The following PDZRN4 variants were observed in gnomAD, a reference collection of about 807,000 sequenced individuals.
PDZRN4 encodes PDZ domain containing ring finger 4, also known as PDZ domain-containing RING finger protein 4.
Under a neutral mutation model 99.0 loss-of-function variants are expected in PDZRN4, and 70 were observed. That is an observed-to-expected ratio of 0.71 (90% CI 0.58 to 0.86). The LOEUF (loss-of-function observed/expected upper bound fraction) is 0.86, where lower values mean the gene tolerates loss of function less well. Among genes scored for constraint, PDZRN4 ranks in the 40% least tolerant of loss-of-function variants. The pLI, the probability that PDZRN4 is intolerant of heterozygous loss-of-function variation, is 0.00. For missense variants in PDZRN4, 1,474 were observed against 1,331.2 expected, an observed-to-expected ratio of 1.11 and a Z score of -1.67; for synonymous variants, 551 against 501.6, an observed-to-expected ratio of 1.10 and a Z score of -1.32.
At chr12:41,227,086 A>T (rs968331577) in intron 3 of PDZRN4, among the ~76,000 whole-genome samples, 1 of 152,156 alleles carries the variant, frequency 6.6e-6, no homozygotes, top group Non-Finnish European at 1.5e-5. Flanking sequence ...AAATACACAT[A>T]TTTAGAATAA....
At chr12:41,261,469 G>A (rs988197198) in intron 3 of PDZRN4, among the ~76,000 whole-genome samples, 1 of 151,668 alleles carries the variant, frequency 6.6e-6, no homozygotes, top group Non-Finnish European at 1.5e-5. Flanking sequence ...CAAAGGCAAA[G>A]TAGTTCTATT....
chr12:41,558,079 G>A (rs1056987207), intron 7 of PDZRN4, among the ~76,000 whole-genome samples: 1 of 152,162 alleles, frequency 6.6e-6, no homozygotes, highest in Non-Finnish European at 1.5e-5. Context: ...GTGTCATCCA[G>A]ATAACAAAAG....
intron 3 of PDZRN4, among the ~76,000 whole-genome samples, chr12:41,356,333 T>A (rs925535848): frequency 6.6e-6 from 1 of 152,044 alleles, no homozygotes; most frequent in African/African-American, 2.4e-5. Flanking sequence ...GATTGTTTCC[T>A]CTTTTTAGAT....
intron 3 of PDZRN4, among the ~76,000 whole-genome samples, chr12:41,501,488 T>A (rs989834697): frequency 2.0e-5 from 3 of 152,138 alleles, no homozygotes; most frequent in African/African-American, 7.2e-5. Context: ...GGGTAGATGA[T>A]TCATTAAACA....
chr12:41,566,570 T>A (rs186917654), intron 8 of PDZRN4, among the ~76,000 whole-genome samples: 27 of 152,260 alleles, frequency 1.8e-4, no homozygotes, highest in African/African-American at 6.5e-4. Context: ...TGGGCCCCAG[T>A]TAAGTTTGAG....
intron 3 of PDZRN4, among the ~76,000 whole-genome samples, chr12:41,415,804 G>T (rs575864925): frequency 1.3e-5 from 2 of 152,226 alleles, no homozygotes; most frequent in Non-Finnish European, 2.9e-5. Flanking sequence ...GGAGGAATGT[G>T]CTGAATATGT....
Position 41,406,173 on chromosome 12 carries a change from A to G in PDZRN4, c.844-100283A>G, listed in dbSNP as rs182665063. Among the ~76,000 whole-genome samples, 3 of 152,278 alleles carry G rather than the reference A, an allele frequency of 2.0e-5. No homozygotes were observed. In the East Asian group the frequency reaches 5.8e-4, roughly 29 times the overall value. ...AATTTCTGCTTTTTTTTGAGTGATG[A>G]TTCTGCCTAAAGACTAAAATACAAG... On this transcript the variant is annotated intron_variant, in intron 3 of 9. Coordinates refer to ENST00000402685, the MANE Select transcript of PDZRN4 (RefSeq NM_001164595.2).
chr12:41,303,416 A>G (rs1951550289), intron 3 of PDZRN4, among the ~76,000 whole-genome samples: 1 of 152,168 alleles, frequency 6.6e-6, no homozygotes, highest in Non-Finnish European at 1.5e-5. Flanking sequence ...TTCTCTATCT[A>G]TGAACCATAT....
At chr12:41,526,125 C>CA (rs950041666) in intron 5 of PDZRN4, among the ~76,000 whole-genome samples, 3 of 152,164 alleles carry the variant, frequency 2.0e-5, no homozygotes, top group African/African-American at 7.2e-5. Flanking sequence ...CATAATACCA[C>CA]ACTGCCCTTC....
chr12:41,310,586 C>A (rs967209101), intron 3 of PDZRN4, among the ~76,000 whole-genome samples: 1 of 152,140 alleles, frequency 6.6e-6, no homozygotes, highest in Non-Finnish European at 1.5e-5. Flanking sequence ...ATTATCACAG[C>A]TTGACCATGC....
chr12:41,389,342 G>A (rs555869126), intron 3 of PDZRN4, among the ~76,000 whole-genome samples: 1 of 152,046 alleles, frequency 6.6e-6, no homozygotes, highest in East Asian at 1.9e-4. Flanking sequence ...ATCCTTTAAA[G>A]GCATTCTCTA....
At chr12:41,375,792 C>A (rs985332060) in intron 3 of PDZRN4, among the ~76,000 whole-genome samples, 1 of 152,014 alleles carries the variant, frequency 6.6e-6, no homozygotes, top group Non-Finnish European at 1.5e-5. Context: ...AAGGTCTACT[C>A]TGTTGGCAAA....
At position 41,191,446 on chromosome 12, in the gene PDZRN4, AT is replaced by A; in HGVS notation, c.649-5del. On this transcript the variant is annotated splice_polypyrimidine_tract_variant and intron_variant, in intron 1 of 9. Transcript: ENST00000402685. ...TTTACCTGGTTAAGTCATTTTATAC[AT>A]TTTTTTCTAGGATGGAGAGCATAAG... 1.8e-5 allele frequency: 25 copies of A among 1,371,498 alleles called. No homozygotes were observed. Among genetic ancestry groups the A allele is most frequent in the Non-Finnish European group, 2.4e-5 (24 of 980,464 alleles). 85.0% of individuals were successfully genotyped at this position (1,371,498 alleles called of 1,614,324 possible).
intron 3 of PDZRN4, among the ~76,000 whole-genome samples, chr12:41,328,486 T>A (rs920585115): frequency 3.9e-5 from 6 of 152,238 alleles, no homozygotes; most frequent in Non-Finnish European, 8.8e-5. Context: ...GCCACTACAC[T>A]CAAGCCTGGG....
At chr12:41,247,672 T>G (rs993114169) in intron 3 of PDZRN4, among the ~76,000 whole-genome samples, 3 of 152,174 alleles carry the variant, frequency 2.0e-5, no homozygotes, top group Non-Finnish European at 4.4e-5. Context: ...GGATAGAAGA[T>G]AGAATGTACC....
At chr12:41,433,364 C>G (rs1467596444) in intron 3 of PDZRN4, among the ~76,000 whole-genome samples, 7 of 152,152 alleles carry the variant, frequency 4.6e-5, no homozygotes, top group African/African-American at 1.7e-4. Context: ...TGTCTTTACT[C>G]AGGTTGACCT....
Position 41,188,789 on chromosome 12 carries a change from C to T in PDZRN4, c.334C>T (p.Leu112Phe). The change falls in exon 1 of 10, where the codon CTC (leucine) becomes TTC (phenylalanine). Residue 112 changes from leucine to phenylalanine, a missense_variant. By Grantham distance (22) the Leu-to-Phe change is conservative (BLOSUM62 0). Transcript: ENST00000402685. ...EHCDFGPARR[L>F]RSRGGCASGL... ...CTGCGACTTCGGCCCTGCCCGCCGG[C>T]TCCGCAGCCGCGGGGGCTGCGCTTC... 7.4e-7 allele frequency: 1 copy of T among 1,359,456 alleles called. No individual in the cohort carries two copies. Among genetic ancestry groups the T allele is most frequent in the Non-Finnish European group, 9.4e-7 (1 of 1,063,006 alleles). The allele number at this position is 1,359,456 out of a possible 1,614,324, so 84.2% of individuals were successfully genotyped here.
chr12:41,482,511 G>A (rs888624927), intron 3 of PDZRN4, among the ~76,000 whole-genome samples: 4 of 152,054 alleles, frequency 2.6e-5, no homozygotes, highest in Admixed American at 6.6e-5. Context: ...TACTTAAAGT[G>A]GCAGGATCCA....
intron 3 of PDZRN4, among the ~76,000 whole-genome samples, chr12:41,215,933 A>G (rs901718755): frequency 8.6e-5 from 13 of 151,846 alleles, no homozygotes; most frequent in Non-Finnish European, 1.5e-5. Context: ...GGTAATTTAC[A>G]TGAAAGCATT....
Sources: allele counts gnomAD v4.1 joint callset (sites outside exome capture counted in the v4.1 genomes callset), GRCh38; gene constraint gnomAD v4.1.1; transcripts MANE v1.5; gene names NCBI Gene and HGNC (gene_info 2026-07-23, HGNC 2026-07-21).